The following IL12RB1 variants were observed in gnomAD, a reference collection of about 807,000 sequenced individuals.
IL12RB1 encodes interleukin 12 receptor subunit beta 1.
IL12RB1 carries 64 observed loss-of-function variants against 94.4 expected under a neutral mutation model. That is an observed-to-expected ratio of 0.68 (90% confidence interval 0.55 to 0.83). The LOEUF (loss-of-function observed/expected upper bound fraction) is 0.83. Among genes scored for constraint, IL12RB1 ranks in the 40% least tolerant of loss-of-function variants. IL12RB1 has a pLI of 0.00. For synonymous variants in IL12RB1, 362 were observed against 355.5 expected, an observed-to-expected ratio of 1.02 and a Z score of -0.21; for missense variants, 814 against 855.6, an observed-to-expected ratio of 0.95 and a Z score of 0.61.
chr19:18,074,988 C>A (rs1340651865), intron 7 of IL12RB1, among the ~76,000 whole-genome samples: 2 of 147,588 alleles, frequency 1.4e-5, no homozygotes, highest in Non-Finnish European at 3.0e-5. Context: ...GGAGGCGGAG[C>A]TTGCAGTGAG....
chr19:18,069,484 C>T (rs1049759641), intron 10 of IL12RB1, 62 bp downstream of exon 10: 3 of 1,480,540 alleles, frequency 2.0e-6, no homozygotes, highest in Non-Finnish European at 2.7e-6. Context: ...GGTTTGAACC[C>T]ACCAGGACCT....
chr19:18,089,515 C>T (rs186288488), upstream of IL12RB1, among the ~76,000 whole-genome samples: 295 of 151,654 alleles, frequency 1.9e-3, no homozygotes, highest in Non-Finnish European at 2.4e-3. Context: ...ATCCCAGCTA[C>T]TCAGGAGGCT....
intron 13 of IL12RB1, among the ~76,000 whole-genome samples, 151 bp from the exon 14 acceptor site, chr19:18,062,428 C>T (rs1420085930): frequency 6.6e-6 from 1 of 152,158 alleles, no homozygotes; most frequent in Non-Finnish European, 1.5e-5. Flanking sequence ...AACCCACCTG[C>T]CCGGTAGCTG....
chr19:18,088,404 T>TATATATATATATATATAAAA (rs1038225227), upstream of IL12RB1, among the ~76,000 whole-genome samples: 6 of 137,736 alleles, frequency 4.4e-5, no homozygotes, highest in Non-Finnish European at 6.2e-5. Context: ...TATATATATA[T>TATATATATATATATATAAAA]AAATTAAAAG....
chr19:18,065,398 C>A (rs2034502170), intron 12 of IL12RB1, among the ~76,000 whole-genome samples: 2 of 152,292 alleles, frequency 1.3e-5, no homozygotes, highest in East Asian at 3.9e-4. Context: ...GGCTGGTGCC[C>A]ACCCAGCCTT....
chr19:18,076,890 A>G (rs2035520515), intron 5 of IL12RB1, among the ~76,000 whole-genome samples: 1 of 152,090 alleles, frequency 6.6e-6, no homozygotes, highest in Non-Finnish European at 1.5e-5. Flanking sequence ...TGAATCTGGG[A>G]GCAGAAAAAA....
At position 18,064,016 on chromosome 19, in the gene IL12RB1, G is replaced by A. The variant is rs1281173832; in HGVS notation, c.1484-6C>T. The A allele has an allele frequency of 6.2e-7, 1 of 1,609,884 alleles. No individual in the cohort carries two copies. Among genetic ancestry groups the A allele is most frequent in the African/African-American group, 1.3e-5 (1 of 74,956 alleles). On this transcript the variant is annotated splice_region_variant and splice_polypyrimidine_tract_variant and intron_variant, in intron 12 of 16. Coordinates refer to ENST00000593993, the MANE Select transcript of IL12RB1 (RefSeq NM_005535.3). ...TGTGGGCTGCACGGGATGCTCTGCA[G>A]TGGGAGAGGCAACCCTGAGTCCTGG...
At chr19:18,060,126 T>G in intron 15 of IL12RB1, 41 bp from the exon 16 acceptor site, 1 of 1,111,380 alleles carries the variant, frequency 9.0e-7, no homozygotes, top group Non-Finnish European at 1.4e-6. Flanking sequence ...AGCAGAGCTC[T>G]ACTTCCCATC....
intron 14 of IL12RB1, 27 bp downstream of exon 14, chr19:18,062,154 A>G (rs369867160): frequency 4.8e-6 from 7 of 1,444,940 alleles, no homozygotes; most frequent in African/African-American, 2.8e-5. Context: ...TACCATCGCT[A>G]TGGTAACGGT....
chr19:18,066,564 A>C lies in IL12RB1; in HGVS notation c.1461T>G (p.Asp487Glu). ...VLKEYVVRCR[D>E]EDSKQVSEHP... The stretch of plus-strand genomic sequence containing the variant: ...TACCTGACACCTGTTTGCTGTCTTC[A>C]TCTCGGCAGCGGACAACATACTCCT... The change falls in exon 12 of 17, where the codon GAT (aspartate) becomes GAG (glutamate). Residue 487 changes from aspartate to glutamate, a missense_variant. Transcript: ENST00000593993. The C allele has an allele frequency of 1.2e-6, 2 of 1,613,520 alleles. No individual in the cohort carries two copies. The highest frequency in any genetic ancestry group is 1.7e-6 in the Non-Finnish European group (2 of 1,179,662).
intron 1 of IL12RB1, among the ~76,000 whole-genome samples, chr19:18,084,316 A>C (rs2036163481): frequency 6.7e-6 from 1 of 148,282 alleles, no homozygotes; most frequent in Admixed American, 6.7e-5. Flanking sequence ...CCATCCATCC[A>C]TCAATCCATG....
chr19:18,082,357 G>A (rs145691258), intron 2 of IL12RB1, 93 bp from the exon 3 acceptor site: 9 of 767,856 alleles, frequency 1.2e-5, no homozygotes, highest in South Asian at 5.9e-5. Flanking sequence ...ATCTTTCAGC[G>A]TCACCTCAGC....
chr19:18,084,129 A>G (rs1389371694), intron 1 of IL12RB1, among the ~76,000 whole-genome samples: 1 of 150,228 alleles, frequency 6.7e-6, no homozygotes, highest in African/African-American at 2.5e-5. Context: ...CTACCCATCC[A>G]TCTATCCATC....
chr19:18,086,733 C>A (rs887541119), intron 1 of IL12RB1, 27 bp downstream of exon 1: 7 of 1,595,566 alleles, frequency 4.4e-6, no homozygotes, highest in Non-Finnish European at 6.0e-6. Flanking sequence ...GCAAGAGGAG[C>A]CGCCATGCCA....
chr19:18,077,466 G>C (rs772434168), intron 5 of IL12RB1, 50 bp downstream of exon 5: 7 of 1,452,820 alleles, frequency 4.8e-6, no homozygotes, highest in Non-Finnish European at 6.7e-6. Context: ...TGGGGGTGAA[G>C]GTGCCCTGGA....
At chr19:18,091,929 T>G (rs548866506), upstream of IL12RB1, among the ~76,000 whole-genome samples, 18 of 147,220 alleles carry the variant, frequency 1.2e-4, no homozygotes, top group Non-Finnish European at 2.2e-4. Context: ...CAGGCTGGAG[T>G]GCAGTGGTGC....
intron 12 of IL12RB1, among the ~76,000 whole-genome samples, chr19:18,065,849 G>A (rs1490022342): frequency 6.6e-6 from 1 of 151,158 alleles, no homozygotes. Context: ...ATCCCAGCCT[G>A]GGCAATATAG....
chr19:18,061,869 G>GAA (rs767444429), intron 14 of IL12RB1, among the ~76,000 whole-genome samples: 10 of 142,810 alleles, frequency 7.0e-5, no homozygotes, highest in South Asian at 2.2e-4. Context: ...TCTCAAAAAA[G>GAA]AAAAAAAAAA....
intron 1 of IL12RB1, 141 bp from the exon 2 acceptor site, chr19:18,083,632 CCCAT>C (rs935531057): frequency 6.7e-6 from 5 of 746,536 alleles, no homozygotes; most frequent in Non-Finnish European, 1.2e-5. Context: ...CCTACCACCA[CCCAT>C]CCATCCATCT....
Sources: gnomAD v4.1 joint callset for allele counts (sites outside exome capture counted in the v4.1 genomes callset) on GRCh38, gnomAD v4.1.1 for gene constraint, MANE v1.5 for transcripts, NCBI Gene and HGNC (gene_info 2026-07-23, HGNC 2026-07-21) for gene names.